The following PCNX2 variants were observed in gnomAD, a reference collection of about 807,000 sequenced individuals.
PCNX2 encodes pecanex-like protein 2.
A neutral mutation model predicts 223.8 loss-of-function variants in PCNX2; 168 were observed. The ratio of observed to expected loss-of-function variants is 0.75; its 90% CI spans 0.66 to 0.85. The LOEUF (loss-of-function observed/expected upper bound fraction) is 0.85, where lower values mean the gene tolerates loss of function less well. PCNX2 is among the 40% of genes least tolerant of loss of function. PCNX2 has a pLI of 0.00. For synonymous variants in PCNX2, 1,006 were observed against 1,052.6 expected, an observed-to-expected ratio of 0.96 and a Z score of 0.86; for missense variants, 2,507 against 2,675.5, an observed-to-expected ratio of 0.94 and a Z score of 1.39.
At chr1:233,013,294 T>G (rs530812877) in intron 28 of PCNX2, among the ~76,000 whole-genome samples, 1 of 152,280 alleles carries the variant, frequency 6.6e-6, no homozygotes, top group East Asian at 1.9e-4. Context: ...CTACCCTTGG[T>G]TCTTACTTGT....
In PCNX2 at chr1:233,036,885, T is replaced by G. The variant is rs527880599; in HGVS notation, c.4352-11486A>C. Among the ~76,000 whole-genome samples, 5 of 152,302 alleles carry G rather than the reference T, an allele frequency of 3.3e-5. No individual in the cohort carries two copies. The South Asian group carries it at 1.0e-3, about 32-fold the overall frequency. ...AAGGGACAATCCTTCTCTCGACTGC[T>G]GTTTAATTCTGATTCTGATGAATAG... On this transcript the variant is annotated intron_variant, in intron 25 of 33. Transcript: ENST00000258229.
intron 9 of PCNX2, among the ~76,000 whole-genome samples, chr1:233,233,678 C>A (rs115779295): frequency 6.6e-6 from 1 of 151,896 alleles, no homozygotes; most frequent in Non-Finnish European, 1.5e-5. Context: ...CAGAACATTG[C>A]GGGGGAAGCA....
chr1:233,011,888 C>A (rs1235594095), intron 28 of PCNX2, among the ~76,000 whole-genome samples: 1 of 152,164 alleles, frequency 6.6e-6, no homozygotes, highest in Admixed American at 6.5e-5. Context: ...ATTCTGTGAA[C>A]TGCTCTAGCA....
intron 12 of PCNX2, among the ~76,000 whole-genome samples, chr1:233,216,202 G>C (rs1372646304): frequency 1.3e-5 from 2 of 152,184 alleles, no homozygotes; most frequent in Non-Finnish European, 2.9e-5. Flanking sequence ...ATGTGGCTCA[G>C]ATGCCTGCAA....
intron 19 of PCNX2, 159 bp downstream of exon 19, chr1:233,160,124 T>G (rs1220636113): frequency 1.3e-6 from 1 of 766,406 alleles, no homozygotes; most frequent in African/African-American, 1.7e-5. Flanking sequence ...TCCTTTTTTC[T>G]TTTTTATTGT....
intron 15 of PCNX2, among the ~76,000 whole-genome samples, chr1:233,196,729 T>C (rs1352126092): frequency 6.6e-6 from 1 of 152,108 alleles, no homozygotes; most frequent in Non-Finnish European, 1.5e-5. Flanking sequence ...CTAGAACACT[T>C]GGAAATCAAA....
At chr1:233,241,353 C>A in intron 8 of PCNX2, 1 of 985,378 alleles carries the variant, frequency 1.0e-6, no homozygotes, top group Non-Finnish European at 1.2e-6. Context: ...AGAAAATGCC[C>A]CAGAGAACAA....
intron 23 of PCNX2, among the ~76,000 whole-genome samples, chr1:233,063,119 C>T (rs893529820): frequency 6.6e-5 from 10 of 152,064 alleles, no homozygotes; most frequent in African/African-American, 2.4e-4. Flanking sequence ...CCCTTGTAAT[C>T]CCAGCTACTC....
In PCNX2 at chr1:233,218,096, A is replaced by AAAAGCCTTGGC; in HGVS notation, c.2582_2592dup (p.Cys865AlafsTer25). The stretch of plus-strand genomic sequence containing the variant: ...AAGAGGAGCACCCACATATCTTTGC[A>AAAAGCCTTGGC]AAAGCCTTGGCTCAAGGTCAGAAAT... On this transcript the variant is annotated frameshift_variant, in exon 11 of 34. Coordinates refer to ENST00000258229, the MANE Select transcript of PCNX2 (RefSeq NM_014801.4). LOFTEE classifies it high-confidence loss of function. The AAAAGCCTTGGC allele has an allele frequency of 1.3e-6, 2 of 1,574,734 alleles. No homozygotes were observed. Among genetic ancestry groups the AAAAGCCTTGGC allele is most frequent in the Non-Finnish European group, 1.7e-6 (2 of 1,159,574 alleles).
At chr1:233,118,366 G>A (rs1392569764) in intron 21 of PCNX2, among the ~76,000 whole-genome samples, 1 of 151,972 alleles carries the variant, frequency 6.6e-6, no homozygotes, top group Admixed American at 6.6e-5. Flanking sequence ...TAGTGCTGGA[G>A]GTGTTAGCTA....
intron 8 of PCNX2, among the ~76,000 whole-genome samples, chr1:233,243,465 T>C (rs1333208708): frequency 6.6e-6 from 1 of 152,186 alleles, no homozygotes; most frequent in Non-Finnish European, 1.5e-5. Context: ...AAACTTAAAA[T>C]CTAATTGCAT....
chr1:233,120,604 G>T (rs984627197), intron 21 of PCNX2, among the ~76,000 whole-genome samples: 1 of 152,096 alleles, frequency 6.6e-6, no homozygotes, highest in Non-Finnish European at 1.5e-5. Flanking sequence ...ATGAATTATC[G>T]ATCTCCACAA....
intron 19 of PCNX2, among the ~76,000 whole-genome samples, chr1:233,151,981 T>C (rs1166466989): frequency 6.6e-6 from 1 of 152,224 alleles, no homozygotes; most frequent in Non-Finnish European, 1.5e-5. Context: ...TGATTTCCAC[T>C]TTTCTTTTTC....
intron 28 of PCNX2, among the ~76,000 whole-genome samples, chr1:233,006,891 T>C (rs992139927): frequency 6.6e-5 from 10 of 152,100 alleles, no homozygotes; most frequent in Admixed American, 6.6e-4. Flanking sequence ...TCAGAGTGTG[T>C]GTGCCCATCT....
At chr1:233,026,218 G>A (rs1671074202) in intron 25 of PCNX2, among the ~76,000 whole-genome samples, 1 of 152,200 alleles carries the variant, frequency 6.6e-6, no homozygotes, top group Admixed American at 6.5e-5. Context: ...AGGTCGGGGG[G>A]AACTCAGCGC....
chr1:233,175,774 T>C (rs1222542964), intron 17 of PCNX2, among the ~76,000 whole-genome samples: 1 of 152,162 alleles, frequency 6.6e-6, no homozygotes, highest in Non-Finnish European at 1.5e-5. Flanking sequence ...GTATCTCTGC[T>C]CCTAAAATTC....
chr1:232,986,498 G>A lies in PCNX2; in HGVS notation c.5834C>T (p.Ala1945Val), dbSNP rs977758404. Residue 1945 changes from alanine to valine, a missense_variant, in exon 33 of 34, where the codon GCG becomes GTG. Physicochemically the swap from Ala to Val is moderately conservative, Grantham distance 64 (BLOSUM62 0). Coordinates refer to ENST00000258229, the MANE Select transcript of PCNX2 (RefSeq NM_014801.4). ...CAGCATGGGCGGCCTTTGGCTTAGC[G>A]CTGAGTGTGCCTGCACGGACTGGCT... ...GRSQSVQAHSALSQRPPMLSS... is the reference protein window; with the variant it reads ...GRSQSVQAHSVLSQRPPMLSS... The A allele has an allele frequency of 8.2e-6, 13 of 1,579,518 alleles. No homozygotes were observed. The highest frequency in any genetic ancestry group is 5.3e-5 in the Admixed American group (3 of 56,728).
chr1:233,186,020 A>G (rs10910670), intron 15 of PCNX2, among the ~76,000 whole-genome samples: 3,515 of 152,266 alleles, frequency 0.023, 138 homozygotes, highest in African/African-American at 0.079. Flanking sequence ...GCTTTGTACA[A>G]AAAAGCACAC....
chr1:233,222,433 TG>T (rs914502186), intron 10 of PCNX2, among the ~76,000 whole-genome samples: 1 of 152,142 alleles, frequency 6.6e-6, no homozygotes, highest in Admixed American at 6.5e-5. Flanking sequence ...GATGGGCACC[TG>T]TGATCCCAGC....
Sources: allele counts gnomAD v4.1 joint callset (sites outside exome capture counted in the v4.1 genomes callset), GRCh38; gene constraint gnomAD v4.1.1; transcripts MANE v1.5; gene names NCBI Gene and HGNC (gene_info 2026-07-23, HGNC 2026-07-21).